GFRA1: variants seen among roughly 807,000 people sequenced by gnomAD.
GFRA1 encodes the protein GDNF family receptor alpha 1, also known as GDNF family receptor alpha-1.
GFRA1 carries 16 observed loss-of-function variants against 51.6 expected under a neutral mutation model. The observed-to-expected ratio is 0.31, with a 90% CI of 0.21 to 0.47. GFRA1 has a LOEUF of 0.47. Among genes scored for constraint, GFRA1 ranks in the 20% least tolerant of loss-of-function variants. The pLI, the probability that GFRA1 is intolerant of heterozygous loss-of-function variation, is 1.00. For synonymous variants in GFRA1, 270 were observed against 241.3 expected (o/e 1.12, Z -1.10); for missense variants, 530 against 594.3 (o/e 0.89, Z 1.13).
At chr10:116,273,685 C>CG (rs1844116511), upstream of GFRA1, among the ~76,000 whole-genome samples, 2 of 127,598 alleles carry the variant, frequency 1.6e-5, no homozygotes, top group African/African-American at 6.0e-5. Context: ...CTCTCTCTCT[C>CG]TCTCTCTCTC....
At chr10:116,255,808 A>G in intron 4 of GFRA1, 1 of 1,225,676 alleles carries the variant, frequency 8.2e-7, no homozygotes, top group Non-Finnish European at 1.1e-6. Context: ...TCCCTGGCAC[A>G]CAGTCAGTTC....
At chr10:116,147,649 C>T (rs1958865974) in intron 5 of GFRA1, among the ~76,000 whole-genome samples, 1 of 152,178 alleles carries the variant, frequency 6.6e-6, no homozygotes, top group Admixed American at 6.5e-5. Context: ...GCACATCAAA[C>T]TTCTTTTTGT....
intron 5 of GFRA1, among the ~76,000 whole-genome samples, chr10:116,135,145 T>C (rs956761616): frequency 7.9e-5 from 12 of 152,306 alleles, no homozygotes; most frequent in African/African-American, 2.9e-4. Context: ...AGTGCCTCAT[T>C]GTACATCAGA....
Position 116,078,317 on chromosome 10 carries a change from CTT to C in GFRA1, c.1197+11422_1197+11423del, listed in dbSNP as rs139258611. Among the ~76,000 whole-genome samples the C allele has an allele frequency of 5.3e-3, 811 of 152,324 alleles. 7 individuals carry two copies. The highest frequency in any genetic ancestry group is 0.019 in the African/African-American group (772 of 41,570). ...ATAAAAGGTGTTTTTACAACAGCCT[CTT>C]TTCTCCCAAGGCTGACGTGGGTGGA... On this transcript the variant is annotated intron_variant, in intron 9 of 10. Coordinates refer to ENST00000355422, the MANE Select transcript of GFRA1 (RefSeq NM_005264.8).
chr10:116,182,985 A>G (rs1014968054), intron 5 of GFRA1, among the ~76,000 whole-genome samples: 25 of 152,196 alleles, frequency 1.6e-4, no homozygotes, highest in Non-Finnish European at 2.4e-4. Context: ...GACCTTTTGG[A>G]ATCAAGGCTA....
chr10:116,147,873 C>A (rs1227040610), intron 5 of GFRA1, among the ~76,000 whole-genome samples: 1 of 151,862 alleles, frequency 6.6e-6, no homozygotes. Context: ...CCGGGGGACC[C>A]CAGTGGAGGT....
At chr10:116,258,571 G>A (rs1969071298) in intron 4 of GFRA1, among the ~76,000 whole-genome samples, 1 of 151,574 alleles carries the variant, frequency 6.6e-6, no homozygotes, top group Admixed American at 6.6e-5. Flanking sequence ...TGCAGTTCGT[G>A]CACTTCACTT....
At chr10:116,265,043 A>G (rs546692700) in intron 4 of GFRA1, among the ~76,000 whole-genome samples, 33 of 152,344 alleles carry the variant, frequency 2.2e-4, no homozygotes, top group African/African-American at 7.5e-4. Flanking sequence ...GGTGCATTTG[A>G]ACAGAAATGC....
intron 4 of GFRA1, among the ~76,000 whole-genome samples, chr10:116,257,761 T>C (rs1968986277): frequency 6.6e-6 from 1 of 151,808 alleles, no homozygotes; most frequent in South Asian, 2.1e-4. Flanking sequence ...TCTAAAAATT[T>C]CAGCAATGCT....
At chr10:116,106,617 G>A (rs1427563445) in intron 6 of GFRA1, among the ~76,000 whole-genome samples, 1 of 152,088 alleles carries the variant, frequency 6.6e-6, no homozygotes, top group Admixed American at 6.6e-5. Flanking sequence ...TTTTACAAGT[G>A]TGTGGCACCT....
chr10:116,124,978 G>A (rs1957793421), intron 6 of GFRA1, among the ~76,000 whole-genome samples: 1 of 152,152 alleles, frequency 6.6e-6, no homozygotes, highest in African/African-American at 2.4e-5. Flanking sequence ...CCTCATTCCA[G>A]CATCCCTCAA....
rs1954833206 is a variant in GFRA1 at position 116,061,835 on chromosome 10, GTT to G, written c.*2561_*2562del. On this transcript the variant is annotated 3_prime_UTR_variant, in exon 11 of 11. Coordinates refer to ENST00000355422, the MANE Select transcript of GFRA1 (RefSeq NM_005264.8). ...CTCCAGTTCTGGGGCAAATGATGGT[GTT>G]TTAGGGTCACCGTGTCAAACTAAGA... The G allele has an allele frequency of 2.5e-6, 1 of 396,766 alleles. No individual in the cohort carries two copies. Among genetic ancestry groups the G allele is most frequent in the East Asian group, 3.6e-5 (1 of 28,016 alleles). 24.6% of individuals were successfully genotyped at this position (396,766 alleles called of 1,614,324 possible). A position where few individuals can be genotyped will look rare whatever the true frequency, so the allele number is the denominator to read the frequency against.
At chr10:116,109,808 C>A (rs116928779) in intron 6 of GFRA1, among the ~76,000 whole-genome samples, 1,619 of 152,314 alleles carry the variant, frequency 0.011, 20 homozygotes, top group South Asian at 0.053. Context: ...TGTGCAGAAC[C>A]TTCCCAGAGC....
intron 5 of GFRA1, among the ~76,000 whole-genome samples, chr10:116,203,868 A>G (rs1263230614): frequency 6.6e-6 from 1 of 152,238 alleles, no homozygotes; most frequent in Non-Finnish European, 1.5e-5. Context: ...TGCCTACGCT[A>G]TGGGAAAAGC....
At chr10:116,242,668 GATGGGGTTTCACT>G (rs994106868) in intron 4 of GFRA1, among the ~76,000 whole-genome samples, 2 of 152,156 alleles carry the variant, frequency 1.3e-5, no homozygotes, top group East Asian at 1.9e-4. Context: ...TTTTAGTAGA[GATGGGGTTTCACT>G]ATGTTGGCCA....
chr10:116,224,601 G>A (rs112595799), intron 4 of GFRA1, among the ~76,000 whole-genome samples: 17 of 152,126 alleles, frequency 1.1e-4, no homozygotes, highest in Non-Finnish European at 1.9e-4. Context: ...CAAAGACCAC[G>A]TATTGTGTGG....
intron 6 of GFRA1, among the ~76,000 whole-genome samples, chr10:116,116,849 A>C (rs1006522095): frequency 2.0e-5 from 3 of 152,174 alleles, no homozygotes; most frequent in Admixed American, 6.5e-5. Flanking sequence ...TATGGACATG[A>C]TGGTCTACCT....
chr10:116,113,490 T>A (rs1957293288), intron 6 of GFRA1, among the ~76,000 whole-genome samples: 1 of 152,172 alleles, frequency 6.6e-6, no homozygotes, highest in African/African-American at 2.4e-5. Flanking sequence ...CTTGACAAGA[T>A]CCAAAGGTCC....
At chr10:116,227,842 A>G (rs1966407994) in intron 4 of GFRA1, among the ~76,000 whole-genome samples, 1 of 152,204 alleles carries the variant, frequency 6.6e-6, no homozygotes, top group African/African-American at 2.4e-5. Flanking sequence ...TTGTTGTGGC[A>G]CTTAGAATGG....
Sources: allele counts gnomAD v4.1 joint callset (sites outside exome capture counted in the v4.1 genomes callset), GRCh38; gene constraint gnomAD v4.1.1; transcripts MANE v1.5; gene names NCBI Gene and HGNC (gene_info 2026-07-23, HGNC 2026-07-21).